KY: variants seen among roughly 807,000 people sequenced by gnomAD.
KY encodes kyphoscoliosis peptidase.
A neutral mutation model predicts 76.1 loss-of-function variants in KY; 43 were observed. The observed-to-expected ratio is 0.57, with a 90% confidence interval of 0.44 to 0.73. KY has a LOEUF of 0.73. KY is among the 30% of genes least tolerant of loss of function. The pLI is 0.00. For synonymous variants in KY, 277 were observed against 326.2 expected (o/e 0.85, Z 1.63); for missense variants, 722 against 828.9 (o/e 0.87, Z 1.58).
At chr3:134,609,673 C>T (rs1959987460) in intron 9 of KY, among the ~76,000 whole-genome samples, 1 of 152,174 alleles carries the variant, frequency 6.6e-6, no homozygotes, top group Non-Finnish European at 1.5e-5. Context: ...TGCCCTGCCC[C>T]ACTGTGCCTC....
In KY at chr3:134,602,250, C is replaced by T. The variant is rs1243969618; in HGVS notation, c.*1329G>A. On this transcript the variant is annotated 3_prime_UTR_variant, in exon 11 of 11. Coordinates refer to ENST00000423778, the MANE Select transcript of KY (RefSeq NM_178554.6). Reference sequence around the variant, plus strand: ...GCCATGTGGGGCCTCTCTCGCCTTTCCCTCTTATCTGCCCTCGCTGAAGTC... The same window carrying T: ...GCCATGTGGGGCCTCTCTCGCCTTTTCCTCTTATCTGCCCTCGCTGAAGTC... Among the ~76,000 whole-genome samples the T allele has an allele frequency of 6.6e-6, 1 of 152,154 alleles. No individual in the cohort carries two copies. The highest frequency in any genetic ancestry group is 2.4e-5 in the African/African-American group (1 of 41,438).
intron 2 of KY, 98 bp from the exon 3 acceptor site, chr3:134,643,476 G>A (rs575618535): frequency 2.8e-5 from 28 of 995,238 alleles, no homozygotes; most frequent in Admixed American, 1.4e-4. Flanking sequence ...GTGGGCTGGC[G>A]GGGGCCAAGC....
intron 3 of KY, among the ~76,000 whole-genome samples, 190 bp downstream of exon 3, chr3:134,643,126 G>A (rs1248389495): frequency 6.6e-6 from 1 of 152,200 alleles, no homozygotes; most frequent in Non-Finnish European, 1.5e-5. Context: ...GGGGAAGACT[G>A]AGACTGTGCA....
At chr3:134,637,163 A>G (rs1177569124) in intron 3 of KY, among the ~76,000 whole-genome samples, 9 of 152,248 alleles carry the variant, frequency 5.9e-5, no homozygotes, top group Admixed American at 5.9e-4. Flanking sequence ...AGCATATTCA[A>G]TGTTGAGAGA....
chr3:134,611,128 C>T (rs183363971), intron 8 of KY, among the ~76,000 whole-genome samples: 1 of 152,222 alleles, frequency 6.6e-6, no homozygotes, highest in Non-Finnish European at 1.5e-5. Context: ...GGCCACAATT[C>T]TGGAGTCTCC....
At chr3:134,615,226 C>G (rs765881554) in intron 8 of KY, 21 of 152,526 alleles carry the variant, frequency 1.4e-4, no homozygotes, top group Non-Finnish European at 2.8e-4. Flanking sequence ...CAGAGGCCTC[C>G]TCTCTGAAGG....
At position 134,604,110 on chromosome 3, in the gene KY, G is replaced by A. The variant is rs200535303; in HGVS notation, c.1455C>T (p.Ser485=). ...CCAGGACATTAATGCCCTCCTCCAC[G>A]CTGAAGCTGATGGAGCAGCGCCCGT... is the stretch of plus-strand genomic sequence containing the variant. ...TSDGRCSISF[S]VEEGINVLAS... is the part of the protein sequence containing the mutation. Residue 485 remains serine (S), a synonymous_variant, in exon 11 of 11, where the codon AGC becomes AGT. Coordinates refer to ENST00000423778, the MANE Select transcript of KY (RefSeq NM_178554.6). 40 of 1,611,290 alleles carry A rather than the reference G, an allele frequency of 2.5e-5. No individual in the cohort carries two copies. Among genetic ancestry groups the A allele is most frequent in the Middle Eastern group, 3.3e-4 (2 of 6,022 alleles).
chr3:134,628,569 T>C lies in KY; in HGVS notation c.338-751A>G, dbSNP rs189018080. Among the ~76,000 whole-genome samples, 12 of 152,332 alleles carry C rather than the reference T, an allele frequency of 7.9e-5. No homozygotes were observed. The South Asian group carries it at 2.5e-3, about 32-fold the overall frequency. On this transcript the variant is annotated intron_variant, in intron 4 of 10. Coordinates refer to ENST00000423778, the MANE Select transcript of KY (RefSeq NM_178554.6). The stretch of plus-strand genomic sequence containing the variant: ...TTCTGAGAAACAGTGCTCCATTTAT[T>C]TCTCACACCTGCATTTTGTATTTCA...
chr3:134,619,015 A>T (rs1477395186), intron 8 of KY, 133 bp downstream of exon 8: 14 of 696,414 alleles, frequency 2.0e-5, no homozygotes, highest in African/African-American at 1.8e-4. Flanking sequence ...CCTTTTCAGG[A>T]CTCACTTGGG....
intron 6 of KY, 35 bp downstream of exon 6, chr3:134,625,018 A>G: frequency 6.4e-7 from 1 of 1,555,360 alleles, no homozygotes; most frequent in Non-Finnish European, 8.7e-7. Flanking sequence ...AGCCACCTTG[A>G]AGGGGCCCAT....
chr3:134,615,544 T>C (rs951335420), intron 8 of KY: 1 of 150,550 alleles, frequency 6.6e-6, no homozygotes, highest in Non-Finnish European at 1.5e-5. Context: ...AGCTCTTTTG[T>C]AAATCAAGAT....
rs1958965317 is a variant in KY, at chr3:134,601,542, G to A, written c.*2037C>T. ...AAAATCAGAAGTGTGCAAGACGGCT[G>A]TTTTCAGGGTGTAAAACTCCCTTTG... On this transcript the variant is annotated 3_prime_UTR_variant, in exon 11 of 11. Coordinates refer to ENST00000423778, the MANE Select transcript of KY (RefSeq NM_178554.6). Among the ~76,000 whole-genome samples, 1 of 152,236 alleles carries A rather than the reference G, an allele frequency of 6.6e-6. No individual in the cohort carries two copies. Among genetic ancestry groups the A allele is most frequent in the Non-Finnish European group, 1.5e-5 (1 of 68,040 alleles).
intron 3 of KY, chr3:134,639,739 G>T (rs576705127): frequency 1.4e-4 from 21 of 151,026 alleles, no homozygotes; most frequent in Middle Eastern, 3.4e-3. Flanking sequence ...TGAGCCCAGG[G>T]GTTTGAGACC....
chr3:134,620,912 G>A (rs555061632), intron 6 of KY, 55 bp from the exon 7 acceptor site: 132 of 1,090,956 alleles, frequency 1.2e-4, no homozygotes, highest in Non-Finnish European at 1.7e-4. Context: ...GCTGTTGGGG[G>A]CCCAGCATCT....
At chr3:134,623,829 C>CT (rs540124267) in intron 6 of KY, among the ~76,000 whole-genome samples, 68 of 152,298 alleles carry the variant, frequency 4.5e-4, no homozygotes, top group African/African-American at 1.5e-3. Flanking sequence ...CAGGGAGCCC[C>CT]TCCCTGGACC....
chr3:134,628,538 G>A (rs545144255), intron 4 of KY, among the ~76,000 whole-genome samples: 5 of 152,256 alleles, frequency 3.3e-5, no homozygotes, highest in Non-Finnish European at 7.4e-5. Flanking sequence ...AACCACACAT[G>A]GGTTATTCTG....
At chr3:134,643,829 CTT>C (rs3064322) in intron 2 of KY, among the ~76,000 whole-genome samples, 13 of 143,044 alleles carry the variant, frequency 9.1e-5, no homozygotes, top group Non-Finnish European at 9.1e-5. Context: ...TCTCCTGCTT[CTT>C]TTTTTTTTTT....
At position 134,602,666 on chromosome 3, in the gene KY, G is replaced by T. The variant is rs1330582332; in HGVS notation, c.*913C>A. Among the ~76,000 whole-genome samples the T allele has an allele frequency of 1.3e-5, 2 of 152,148 alleles. No homozygotes were observed. Among genetic ancestry groups the T allele is most frequent in the African/African-American group, 4.8e-5 (2 of 41,434 alleles). On this transcript the variant is annotated 3_prime_UTR_variant, in exon 11 of 11. Transcript: ENST00000423778. ...CCCAAGGGCCTGGCCAGCCTCTGGA[G>T]GCTCTCTGTGGAGGTGGGGCAGGGG...
chr3:134,642,882 C>A (rs552735446), intron 3 of KY, among the ~76,000 whole-genome samples: 2 of 152,296 alleles, frequency 1.3e-5, no homozygotes, highest in South Asian at 4.1e-4. Context: ...CCTTTCCAAG[C>A]CTCAGTTTAC....
Sources: allele counts gnomAD v4.1 joint callset (sites outside exome capture counted in the v4.1 genomes callset), GRCh38; gene constraint gnomAD v4.1.1; transcripts MANE v1.5; gene names NCBI Gene and HGNC (gene_info 2026-07-23, HGNC 2026-07-21).